The following PTK7 variants were observed in gnomAD, a reference collection of about 807,000 sequenced individuals.
PTK7 encodes the protein protein tyrosine kinase 7 (inactive).
Under a neutral mutation model 116.6 loss-of-function variants are expected in PTK7, and 39 were observed. The observed-to-expected ratio is 0.33, with a 90% CI of 0.26 to 0.44. The LOEUF (loss-of-function observed/expected upper bound fraction) is 0.44. PTK7 is among the 20% of genes least tolerant of loss of function. The pLI, the probability that PTK7 is intolerant of heterozygous loss-of-function variation, is 1.00. For synonymous variants in PTK7, 546 were observed against 563.6 expected (o/e 0.97, Z 0.44); for missense variants, 1,169 against 1,425.6 (o/e 0.82, Z 2.90).
Position 43,142,161 on chromosome 6 carries a change from TCCC to T in PTK7, c.1920-8_1920-6del. 2 of 1,613,714 alleles carry T rather than the reference TCCC, an allele frequency of 1.2e-6. No homozygotes were observed. The highest frequency in any genetic ancestry group is 8.5e-7 in the Non-Finnish European group (1 of 1,179,854). On this transcript the variant is annotated splice_region_variant and splice_polypyrimidine_tract_variant and intron_variant, in intron 12 of 19. Transcript: ENST00000230419. ...GCGAGCTGGCCAGCACTATGGCTTC[TCCC>T]CCGACAGGATGCACATCTTCCAGAA...
chr6:43,160,129 C>A (rs529789057), intron 19 of PTK7, 163 bp downstream of exon 19: 2 of 779,456 alleles, frequency 2.6e-6, no homozygotes, highest in South Asian at 3.8e-5. Flanking sequence ...CTTTGTTTTT[C>A]TTTTGAGACG....
intron 1 of PTK7, among the ~76,000 whole-genome samples, chr6:43,088,927 GA>G (rs1582064765): frequency 6.6e-6 from 1 of 152,058 alleles, no homozygotes; most frequent in Non-Finnish European, 1.5e-5. Flanking sequence ...GATGTATGCT[GA>G]GCAGTGCTGT....
chr6:43,080,614 A>G (rs981645511), intron 1 of PTK7, among the ~76,000 whole-genome samples: 1 of 152,072 alleles, frequency 6.6e-6, no homozygotes, highest in African/African-American at 2.4e-5. Flanking sequence ...CCTCTTCTAT[A>G]AAGGGACATC....
chr6:43,146,553 G>T, intron 16 of PTK7, 65 bp from the exon 17 acceptor site: 1 of 1,480,416 alleles, frequency 6.8e-7, no homozygotes, highest in Non-Finnish European at 9.4e-7. Flanking sequence ...GCACCTGCTT[G>T]GTCTGAGGCT....
chr6:43,089,061 T>C (rs375466350), intron 1 of PTK7, among the ~76,000 whole-genome samples: 5 of 152,190 alleles, frequency 3.3e-5, no homozygotes, highest in South Asian at 2.1e-4. Flanking sequence ...TGCCTCATAG[T>C]AGGGGCCTAA....
At chr6:43,113,264 C>G (rs892735271) in intron 1 of PTK7, among the ~76,000 whole-genome samples, 1 of 151,980 alleles carries the variant, frequency 6.6e-6, no homozygotes, top group African/African-American at 2.4e-5. Context: ...GAAACCCCGT[C>G]TCTACTAAAA....
intron 7 of PTK7, among the ~76,000 whole-genome samples, chr6:43,136,552 G>T (rs1410025398): frequency 6.6e-6 from 1 of 152,156 alleles, no homozygotes; most frequent in East Asian, 1.9e-4. Flanking sequence ...TGACCAGGGT[G>T]CCTTAGTTCT....
intron 1 of PTK7, among the ~76,000 whole-genome samples, chr6:43,109,889 G>A (rs1768097038): frequency 6.6e-6 from 1 of 151,834 alleles, no homozygotes; most frequent in South Asian, 2.1e-4. Context: ...TAGTAGAGAC[G>A]GGGTTTCACC....
chr6:43,087,599 T>C (rs1466242834), intron 1 of PTK7, among the ~76,000 whole-genome samples: 2 of 152,172 alleles, frequency 1.3e-5, no homozygotes, highest in African/African-American at 2.4e-5. Flanking sequence ...AGGGTCAGTG[T>C]TGGAAGACAT....
chr6:43,153,721 A>G (rs2150474494), intron 17 of PTK7, among the ~76,000 whole-genome samples: 1 of 152,218 alleles, frequency 6.6e-6, no homozygotes, highest in East Asian at 1.9e-4. Flanking sequence ...AACAGAATTG[A>G]ATTTTAAATG....
intron 1 of PTK7, among the ~76,000 whole-genome samples, chr6:43,096,676 C>G (rs540460753): frequency 1.3e-5 from 2 of 152,338 alleles, no homozygotes; most frequent in South Asian, 2.1e-4. Flanking sequence ...CCTTTTGCTG[C>G]TGCCCTGGGT....
intron 1 of PTK7, among the ~76,000 whole-genome samples, chr6:43,094,936 T>C (rs1433965293): frequency 2.6e-5 from 4 of 151,202 alleles, no homozygotes; most frequent in African/African-American, 7.3e-5. Flanking sequence ...TCCCAGCTAC[T>C]TGGGAGGCTG....
At position 43,076,475 on chromosome 6, in the gene PTK7, C is replaced by T. The variant is rs960052758; in HGVS notation, c.-14C>T. 6.4e-7 allele frequency: 1 copy of T among 1,559,150 alleles called. No individual in the cohort carries two copies. The highest frequency in any genetic ancestry group is 1.4e-5 in the African/African-American group (1 of 70,528). ...CGCCGTGCGCCCTCAGCTCCTTTTC[C>T]TGAGCCCGCCGCGATGGGAGCTGCG... is the stretch of plus-strand genomic sequence containing the variant. On this transcript the variant is annotated 5_prime_UTR_variant, in exon 1 of 20. Transcript: ENST00000230419. This position sits in a 1 kb window ranked among gnomAD's most constrained non-coding sequence, Gnocchi z 5.7.
At chr6:43,082,305 A>G (rs1766424445) in intron 1 of PTK7, among the ~76,000 whole-genome samples, 2 of 152,086 alleles carry the variant, frequency 1.3e-5, no homozygotes, top group Non-Finnish European at 2.9e-5. Context: ...CCTCCTGAGC[A>G]GCTGGGATTA....
intron 1 of PTK7, among the ~76,000 whole-genome samples, chr6:43,119,055 C>G (rs529681424): frequency 6.6e-6 from 1 of 152,142 alleles, no homozygotes; most frequent in South Asian, 2.1e-4. Context: ...GCCACCACAA[C>G]CAGGCTATTT....
intron 1 of PTK7, among the ~76,000 whole-genome samples, chr6:43,101,280 C>T (rs1471044368): frequency 2.7e-5 from 4 of 150,456 alleles, no homozygotes; most frequent in South Asian, 2.1e-4. Context: ...AGGCTGGGCG[C>T]GGTGGCTCAC....
At chr6:43,116,858 G>GT (rs1054606891) in intron 1 of PTK7, among the ~76,000 whole-genome samples, 3 of 151,964 alleles carry the variant, frequency 2.0e-5, no homozygotes, top group African/African-American at 4.8e-5. Context: ...CAGTTTCGCT[G>GT]TATCGCCCAG....
chr6:43,152,200 G>A (rs1460662185), intron 17 of PTK7, among the ~76,000 whole-genome samples: 2 of 128,062 alleles, frequency 1.6e-5, no homozygotes, highest in Non-Finnish European at 3.1e-5. Flanking sequence ...TTAGTTGAAA[G>A]CTATCCTGAG....
At chr6:43,140,479 A>G (rs1770334191) in intron 10 of PTK7, among the ~76,000 whole-genome samples, 2 of 151,438 alleles carry the variant, frequency 1.3e-5, no homozygotes, top group Non-Finnish European at 2.9e-5. Context: ...ATATTGGGAG[A>G]AAAAATGTAC....
Sources: allele counts gnomAD v4.1 joint callset (sites outside exome capture counted in the v4.1 genomes callset), GRCh38; gene constraint gnomAD v4.1.1; non-coding constraint Gnocchi (gnomAD v3.1); transcripts MANE v1.5; gene names NCBI Gene and HGNC (gene_info 2026-07-23, HGNC 2026-07-21).